TLCD3B: variants seen among roughly 807,000 people sequenced by gnomAD.
TLCD3B encodes the protein TLC domain containing 3B.
In TLCD3B, 9 loss-of-function variants were observed where a neutral mutation model predicts 23.0. The observed-to-expected ratio is 0.39, with a 90% confidence interval of 0.24 to 0.68. TLCD3B has a LOEUF of 0.68. Among genes scored for constraint, TLCD3B ranks in the 30% least tolerant of loss-of-function variants. The pLI is 0.44. For synonymous variants in TLCD3B, 161 were observed against 161.0 expected (o/e 1.00, Z 0.00); for missense variants, 307 against 371.8 (o/e 0.83, Z 1.43).
chr16:30,035,250 A>G, upstream of TLCD3B: 1 of 1,224,152 alleles, frequency 8.2e-7, no homozygotes, highest in Non-Finnish European at 1.1e-6. Flanking sequence ...GCTCCACTCC[A>G]CACTCTGCTT....
At position 30,026,517 on chromosome 16, in the gene TLCD3B, G is replaced by A. The variant is rs376816051; in HGVS notation, c.444+92C>T. The A allele has an allele frequency of 3.3e-4, 377 of 1,125,996 alleles. 6 individuals are homozygous for A. The highest frequency in any genetic ancestry group is 2.6e-3 in the South Asian group (177 of 68,032). 69.8% of individuals were successfully genotyped at this position (1,125,996 alleles called of 1,614,324 possible). A position where few individuals can be genotyped will look rare whatever the true frequency, so the allele number is the denominator to read the frequency against. ...GCTGGGTCTGCTTGGTTGTCAGTAC[G>A]CAGACCCGGGGCTTCCCAGGCTCCT... is the stretch of plus-strand genomic sequence containing the variant. On this transcript the variant is annotated intron_variant, in intron 3 of 4. Coordinates refer to ENST00000380495, the MANE Select transcript of TLCD3B (RefSeq NM_031478.6).
intron 2 of TLCD3B, among the ~76,000 whole-genome samples, chr16:30,028,574 C>T (rs528817355): frequency 6.6e-4 from 101 of 152,270 alleles, no homozygotes; most frequent in Non-Finnish European, 1.2e-3. Flanking sequence ...TGCCACTTAA[C>T]TCAATTCCTC....
chr16:30,036,244 A>C (rs1344314152), upstream of TLCD3B: 2 of 1,289,168 alleles, frequency 1.6e-6, no homozygotes, highest in East Asian at 1.1e-4. Context: ...GGGGTTGTCA[A>C]GATATTTGGA....
At position 30,029,095 on chromosome 16, in the gene TLCD3B, G is replaced by A. The variant is rs1284926368; in HGVS notation, c.209+337C>T. The stretch of plus-strand genomic sequence containing the variant: ...GCATGAGGAGGGGGCACCCCATCTG[G>A]GTGCTGGCTGGAAATGGGGTCTGCC... On this transcript the variant is annotated intron_variant, in intron 2 of 4. Transcript: ENST00000380495. The surrounding 1 kb of genome is among the most constrained non-coding windows in gnomAD (Gnocchi z 4.6). Among the ~76,000 whole-genome samples the A allele has an allele frequency of 6.6e-6, 1 of 152,198 alleles. No individual in the cohort carries two copies. The highest frequency in any genetic ancestry group is 1.5e-5 in the Non-Finnish European group (1 of 68,032).
intron 2 of TLCD3B, among the ~76,000 whole-genome samples, chr16:30,045,147 G>C (rs1338389062): frequency 6.9e-6 from 1 of 145,834 alleles, no homozygotes; most frequent in South Asian, 2.2e-4. Flanking sequence ...CAGAGAGAAA[G>C]GTGTTAAAGG....
intron 3 of TLCD3B, chr16:30,036,405 A>G: frequency 7.8e-7 from 1 of 1,284,534 alleles, no homozygotes; most frequent in Non-Finnish European, 1.0e-6. Flanking sequence ...CTCCCCTCCC[A>G]TCTACTCTGG....
At chr16:30,034,937 A>G (rs1324050633), upstream of TLCD3B, among the ~76,000 whole-genome samples, 2 of 147,030 alleles carry the variant, frequency 1.4e-5, no homozygotes, top group Admixed American at 1.4e-4. Flanking sequence ...TTTGAGACAG[A>G]GTCTCACTCT....
In TLCD3B at chr16:30,029,273, T is replaced by G. The variant is rs967479813; in HGVS notation, c.209+159A>C. 1.3e-5 allele frequency among the ~76,000 whole-genome samples: 2 copies of G among 152,180 alleles called. No homozygotes were observed. Among genetic ancestry groups the G allele is most frequent in the African/African-American group, 4.8e-5 (2 of 41,434 alleles). On this transcript the variant is annotated intron_variant, in intron 2 of 4. Coordinates refer to ENST00000380495, the MANE Select transcript of TLCD3B (RefSeq NM_031478.6). This position sits in a 1 kb window ranked among gnomAD's most constrained non-coding sequence, Gnocchi z 4.6. ...GGACAGGACAGGATAAATTTATCCC[T>G]GGGTGTTGAGTTGCGGTTATTGCAG... is the stretch of plus-strand genomic sequence containing the variant.
In TLCD3B at chr16:30,029,158, G is replaced by A. The variant is rs2071274143; in HGVS notation, c.209+274C>T. On this transcript the variant is annotated intron_variant, in intron 2 of 4. Transcript: ENST00000380495. This position sits in a 1 kb window ranked among gnomAD's most constrained non-coding sequence, Gnocchi z 4.6. ...AGGCAGGGAGGAGGTGGGGAACCAC[G>A]ACAACACGGGAGACCTGGAAGCCGA... Among the ~76,000 whole-genome samples the A allele has an allele frequency of 6.6e-6, 1 of 152,180 alleles. No individual in the cohort carries two copies.
At chr16:30,040,167 T>TATAC (rs1460550616) in intron 3 of TLCD3B, among the ~76,000 whole-genome samples, 2 of 143,432 alleles carry the variant, frequency 1.4e-5, no homozygotes, top group East Asian at 4.0e-4. Flanking sequence ...TATATATATA[T>TATAC]ATATGAAAAG....
intron 3 of TLCD3B, 26 bp downstream of exon 3, chr16:30,026,583 C>T (rs2071147668): frequency 5.0e-6 from 8 of 1,599,162 alleles, no homozygotes; most frequent in Admixed American, 1.7e-5. Context: ...ACCCGCACCC[C>T]GCCCGCCCAG....
intron 3 of TLCD3B, among the ~76,000 whole-genome samples, chr16:30,040,285 T>A (rs2071560928): frequency 6.6e-6 from 1 of 151,810 alleles, no homozygotes; most frequent in African/African-American, 2.4e-5. Context: ...ACTACAATAC[T>A]TCACACGGTA....
chr16:30,025,617 G>T lies in TLCD3B; in HGVS notation c.540+109C>A. 1 of 1,467,528 alleles carries T rather than the reference G, an allele frequency of 6.8e-7. No individual in the cohort carries two copies. Among genetic ancestry groups the T allele is most frequent in the Non-Finnish European group, 9.5e-7 (1 of 1,049,436 alleles). 90.9% of individuals were successfully genotyped at this position (1,467,528 alleles called of 1,614,324 possible). A position where few individuals can be genotyped will look rare whatever the true frequency, so the allele number is the denominator to read the frequency against. On this transcript the variant is annotated intron_variant, in intron 4 of 4. Transcript: ENST00000380495. This position sits in a 1 kb window ranked among gnomAD's most constrained non-coding sequence, Gnocchi z 4.1. ...GCACCAGGTGCTCAAAATGCACGGG[G>T]TGAGGGGGGGATGACGAAGGGGCTA...
At chr16:30,035,361 C>G (rs2071447427), upstream of TLCD3B, 4 of 1,289,504 alleles carry the variant, frequency 3.1e-6, no homozygotes, top group Non-Finnish European at 4.0e-6. Context: ...TTGGATGCTA[C>G]CAGGACAGCC....
intron 2 of TLCD3B, among the ~76,000 whole-genome samples, chr16:30,043,671 TG>T: frequency 6.6e-6 from 1 of 152,272 alleles, no homozygotes; most frequent in South Asian, 2.1e-4. Context: ...TTGTGCGTTT[TG>T]TTTTGTTTTT....
At position 30,040,833 on chromosome 16, in the gene TLCD3B, T is replaced by C. The variant is rs1026738696; in HGVS notation, c.-67+162A>G. On this transcript the variant is annotated intron_variant, in intron 3 of 6. Coordinates refer to the TLCD3B transcript ENST00000561666. The stretch of plus-strand genomic sequence containing the variant: ...ACCACACCTGGCTAATCTGGGGAGG[T>C]TTTTTTTTCTAGAGATGGGATCTTG... Among the ~76,000 whole-genome samples, 15 of 150,032 alleles carry C rather than the reference T, an allele frequency of 1.0e-4. No individual in the cohort carries two copies. In the South Asian group the frequency reaches 2.6e-3, roughly 26 times the overall value.
At position 30,031,085 on chromosome 16, in the gene TLCD3B, C is replaced by T. The variant is rs540394003; in HGVS notation, c.-558G>A. The T allele has an allele frequency of 5.6e-4, 86 of 152,932 alleles. No homozygotes were observed. The highest frequency in any genetic ancestry group is 3.4e-3 in the Middle Eastern group (1 of 296). 9.5% of individuals were successfully genotyped at this position (152,932 alleles called of 1,614,324 possible). On this transcript the variant is annotated 5_prime_UTR_variant, in exon 1 of 5. Coordinates refer to ENST00000380495, the MANE Select transcript of TLCD3B (RefSeq NM_031478.6). Reference sequence around the variant, plus strand: ...TCGCTGCCGCCCCAGTCCCTGCCGCCCGGCACAGACACCGCACATGGCATC... The same window carrying T: ...TCGCTGCCGCCCCAGTCCCTGCCGCTCGGCACAGACACCGCACATGGCATC...
At chr16:30,040,150 ATATATATAT>A (rs2071557176) in intron 3 of TLCD3B, among the ~76,000 whole-genome samples, 1 of 117,228 alleles carries the variant, frequency 8.5e-6, no homozygotes, top group African/African-American at 3.3e-5. Flanking sequence ...AAAAAAAAAT[ATATATATAT>A]ATATATATAT....
intron 2 of TLCD3B, among the ~76,000 whole-genome samples, chr16:30,044,963 T>C (rs1311005470): frequency 1.3e-5 from 2 of 151,154 alleles, no homozygotes; most frequent in Admixed American, 1.3e-4. Flanking sequence ...CGTGGTGGCA[T>C]GCACCTGTAA....
Sources: gnomAD v4.1 joint callset for allele counts (sites outside exome capture counted in the v4.1 genomes callset) on GRCh38, gnomAD v4.1.1 for gene constraint, Gnocchi (gnomAD v3.1) non-coding constraint, MANE v1.5 for transcripts, NCBI Gene and HGNC (gene_info 2026-07-23, HGNC 2026-07-21) for gene names.